The following DPYSL3 variants were observed in gnomAD, a reference collection of about 807,000 sequenced individuals.
DPYSL3 encodes dihydropyrimidinase like 3, also known as dihydropyrimidinase-related protein 3.
In DPYSL3, 16 loss-of-function variants were observed where a neutral mutation model predicts 66.1. The ratio of observed to expected loss-of-function variants is 0.24; its 90% CI spans 0.16 to 0.37. The LOEUF is 0.37. Among genes scored for constraint, DPYSL3 ranks in the 10% least tolerant of loss-of-function variants. The pLI, the probability that DPYSL3 is intolerant of heterozygous loss-of-function variation, is 1.00. For missense variants in DPYSL3, 738 were observed against 916.2 expected (o/e 0.81, Z 2.51); for synonymous variants, 338 against 345.1 (o/e 0.98, Z 0.23).
chr5:147,406,018 G>A, intron 7 of DPYSL3: 1 of 233,788 alleles, frequency 4.3e-6, no homozygotes, highest in Non-Finnish European at 8.4e-6. Flanking sequence ...CTTAGCCTCT[G>A]TGGTTATCAC....
chr5:147,415,884 G>A lies in DPYSL3; in HGVS notation c.656-11C>T. 1 of 1,612,624 alleles carries A rather than the reference G, an allele frequency of 6.2e-7. No individual in the cohort carries two copies. The highest frequency in any genetic ancestry group is 1.3e-5 in the African/African-American group (1 of 75,014). ...GCACCACATGGTCAACTGAATGACA[G>A]AGACCCCAGATGAGTCACTCTCAGA... On this transcript the variant is annotated splice_polypyrimidine_tract_variant and intron_variant, in intron 3 of 13. Coordinates refer to ENST00000343218, the MANE Select transcript of DPYSL3 (RefSeq NM_001197294.2).
At chr5:147,471,187 A>C (rs1475199598) in intron 1 of DPYSL3, among the ~76,000 whole-genome samples, 1 of 152,198 alleles carries the variant, frequency 6.6e-6, no homozygotes, top group African/African-American at 2.4e-5. Flanking sequence ...AATGGGGAGG[A>C]GGAAAGTTCT....
intron 11 of DPYSL3, 44 bp from the exon 12 acceptor site, chr5:147,397,889 AAG>A (rs772709991): frequency 6.5e-7 from 1 of 1,528,560 alleles, no homozygotes; most frequent in South Asian, 1.3e-5. Flanking sequence ...AGGGTAGAGA[AAG>A]AGGAACGTAC....
rs181357854 is a variant in DPYSL3, at chr5:147,502,871, C to A, written c.381+6607G>T. 3.9e-5 allele frequency among the ~76,000 whole-genome samples: 6 copies of A among 152,190 alleles called. No homozygotes were observed. In the East Asian group the frequency reaches 7.8e-4, roughly 20 times the overall value. ...GATTACAAGCGTGAGCCACTGTGCC[C>A]GGCCTTAATAATGCTTTTTGCAAAA... On this transcript the variant is annotated intron_variant, in intron 1 of 13. Coordinates refer to ENST00000343218, the MANE Select transcript of DPYSL3 (RefSeq NM_001197294.2).
intron 1 of DPYSL3, among the ~76,000 whole-genome samples, chr5:147,460,740 T>C (rs1359224988): frequency 7.2e-5 from 11 of 152,174 alleles, no homozygotes. Context: ...TTTAGCCCCA[T>C]AGACACAATT....
At chr5:147,408,701 T>C (rs1751776274) in intron 7 of DPYSL3, 27 bp downstream of exon 7, 1 of 1,611,702 alleles carries the variant, frequency 6.2e-7, no homozygotes, top group Non-Finnish European at 8.5e-7. Context: ...ATGCGTTGTG[T>C]GTGCACCTTC....
chr5:147,493,373 G>GT (rs1753444980), intron 1 of DPYSL3, among the ~76,000 whole-genome samples: 1 of 152,146 alleles, frequency 6.6e-6, no homozygotes. Context: ...GAGAGTTTGA[G>GT]ACCAGCCTGA....
chr5:147,509,808 G>T lies in DPYSL3; in HGVS notation c.51C>A (p.Pro17=), dbSNP rs529445844. 5,257 of 1,535,852 alleles carry T rather than the reference G, an allele frequency of 3.4e-3. 14 individuals are homozygous for T. Among genetic ancestry groups the T allele is most frequent in the Non-Finnish European group, 4.0e-3 (4,536 of 1,146,716 alleles). The stretch of plus-strand genomic sequence containing the variant: ...TGGTGCCCGGCCTGGCCAGGTACAC[G>T]GGCAGATCGTCTTCGTGGGAGCTGT... ...GWDSSHEDDL[P]VYLARPGTTD... Residue 17 remains proline, a synonymous_variant, in exon 1 of 14, where the codon CCC becomes CCA. Coordinates refer to ENST00000343218, the MANE Select transcript of DPYSL3 (RefSeq NM_001197294.2). The surrounding 1 kb of genome is among the most constrained non-coding windows in gnomAD (Gnocchi z 5.3).
intron 1 of DPYSL3, among the ~76,000 whole-genome samples, chr5:147,483,370 G>A (rs944247664): frequency 1.1e-4 from 17 of 152,138 alleles, no homozygotes; most frequent in Non-Finnish European, 1.9e-4. Context: ...CAATGGCCCC[G>A]GCTAATGTAA....
intron 1 of DPYSL3, among the ~76,000 whole-genome samples, chr5:147,491,765 CA>C (rs777372832): frequency 6.7e-6 from 1 of 150,372 alleles, no homozygotes. Flanking sequence ...AAAAAAAGAC[CA>C]AAAAAAGACC....
At chr5:147,497,246 G>A (rs550353074) in intron 1 of DPYSL3, among the ~76,000 whole-genome samples, 1 of 136,724 alleles carries the variant, frequency 7.3e-6, no homozygotes, top group Non-Finnish European at 1.6e-5. Context: ...ACCAGGGACT[G>A]TTGTGGGGTG....
rs1207996164 is a variant in DPYSL3, at chr5:147,484,510, G to T, written c.381+24968C>A. Among the ~76,000 whole-genome samples, 4 of 152,264 alleles carry T rather than the reference G, an allele frequency of 2.6e-5. No individual in the cohort carries two copies. In the East Asian group the frequency reaches 5.8e-4, roughly 22 times the overall value. On this transcript the variant is annotated intron_variant, in intron 1 of 13. Transcript: ENST00000343218. ...CTTAGAGACAATGACTGGTTTTCAT[G>T]GAGCTTTTCCTATCAACAGTAACAA...
intron 1 of DPYSL3, among the ~76,000 whole-genome samples, chr5:147,499,347 T>C (rs1318142807): frequency 6.6e-6 from 1 of 152,146 alleles, no homozygotes; most frequent in Non-Finnish European, 1.5e-5. Flanking sequence ...CTTTCCTATA[T>C]ACTAGCACTG....
chr5:147,484,780 A>G (rs1434290043), intron 1 of DPYSL3, among the ~76,000 whole-genome samples: 2 of 152,232 alleles, frequency 1.3e-5, no homozygotes, highest in Non-Finnish European at 2.9e-5. Flanking sequence ...ACTGCATATG[A>G]TTTGACGTGG....
chr5:147,454,301 T>A (rs1382316857), intron 1 of DPYSL3: 2 of 152,244 alleles, frequency 1.3e-5, no homozygotes, highest in Non-Finnish European at 2.9e-5. Flanking sequence ...GCGCCGCCTC[T>A]GCTGCTCGCG....
At chr5:147,414,964 T>A (rs1394524636) in intron 4 of DPYSL3, among the ~76,000 whole-genome samples, 1 of 152,072 alleles carries the variant, frequency 6.6e-6, no homozygotes, top group Non-Finnish European at 1.5e-5. Context: ...TACTTACACT[T>A]CTCTAAGACC....
chr5:147,502,572 T>C (rs1310037184), intron 1 of DPYSL3, among the ~76,000 whole-genome samples: 3 of 33,732 alleles, frequency 8.9e-5, no homozygotes, highest in South Asian at 1.4e-3. Flanking sequence ...TTAATAATGC[T>C]TTTTTTTTTT....
intron 1 of DPYSL3, among the ~76,000 whole-genome samples, chr5:147,498,071 A>G (rs1753547924): frequency 6.6e-6 from 1 of 151,616 alleles, no homozygotes; most frequent in African/African-American, 2.4e-5. Context: ...TCTTTTCCCA[A>G]TCCTCTCCCT....
At chr5:147,487,428 A>C (rs1159108625) in intron 1 of DPYSL3, among the ~76,000 whole-genome samples, 1 of 152,130 alleles carries the variant, frequency 6.6e-6, no homozygotes, top group Non-Finnish European at 1.5e-5. Flanking sequence ...ACTACCTCAA[A>C]TTTTGGAATC....
Sources: allele counts gnomAD v4.1 joint callset (sites outside exome capture counted in the v4.1 genomes callset), GRCh38; gene constraint gnomAD v4.1.1; non-coding constraint Gnocchi (gnomAD v3.1); transcripts MANE v1.5; gene names NCBI Gene and HGNC (gene_info 2026-07-23, HGNC 2026-07-21).